TRPS1: variants seen among roughly 807,000 people sequenced by gnomAD.
TRPS1 encodes transcriptional repressor GATA binding 1.
TRPS1 carries 6 observed loss-of-function variants against 101.2 expected under a neutral mutation model. That is an observed-to-expected ratio of 0.06 (90% CI 0.03 to 0.12). The LOEUF is 0.12. TRPS1 is among the 10% of genes least tolerant of loss of function. TRPS1 has a pLI of 1.00. For synonymous variants in TRPS1, 578 were observed against 589.8 expected (o/e 0.98, Z 0.29); for missense variants, 1,363 against 1,567.0 (o/e 0.87, Z 2.20).
intron 5 of TRPS1, among the ~76,000 whole-genome samples, chr8:115,560,708 G>A (rs1269369494): frequency 1.3e-5 from 2 of 152,072 alleles, no homozygotes; most frequent in African/African-American, 2.4e-5. Context: ...ATGGCCTGGA[G>A]TGATACCCAA....
At chr8:115,631,935 T>C (rs1311215646) in intron 1 of TRPS1, among the ~76,000 whole-genome samples, 3 of 152,084 alleles carry the variant, frequency 2.0e-5, no homozygotes, top group Admixed American at 6.6e-5. Context: ...TCGTGAGACA[T>C]AAGAACTACT....
intron 5 of TRPS1, among the ~76,000 whole-genome samples, chr8:115,459,013 A>C (rs1814097855): frequency 6.6e-6 from 1 of 152,190 alleles, no homozygotes; most frequent in Admixed American, 6.5e-5. Context: ...AAAAAAAATA[A>C]ATTTTGTTCA....
At chr8:115,580,255 T>C (rs546805115) in intron 5 of TRPS1, among the ~76,000 whole-genome samples, 1 of 148,594 alleles carries the variant, frequency 6.7e-6, no homozygotes, top group African/African-American at 2.5e-5. Context: ...AATATATATA[T>C]ATATATATAT....
chr8:115,604,810 G>C lies in TRPS1; in HGVS notation c.1159C>G (p.Pro387Ala), dbSNP rs1563638257. 1.9e-6 allele frequency: 3 copies of C among 1,614,048 alleles called. No homozygotes were observed. The highest frequency in any genetic ancestry group is 2.5e-6 in the Non-Finnish European group (3 of 1,179,972). The change falls in exon 4 of 7, where the codon CCT becomes GCT. Residue 387 changes from proline (P) to alanine (A), a missense_variant. Physicochemically the swap from Pro to Ala is conservative, Grantham distance 27 (BLOSUM62 -1). Around this residue, in one of 5 missense-constraint regions of TRPS1, gnomAD observed 1,020 missense variants for 1,073.0 expected, o/e 0.95. Coordinates refer to ENST00000395715, the MANE Select transcript of TRPS1 (RefSeq NM_014112.5). This position sits in a 1 kb window ranked among gnomAD's most constrained non-coding sequence, Gnocchi z 4.1. Reference sequence around the variant, plus strand: ...GACTTGTTAGAGTTTTTCTCTGAAGGTTTTGCAACCTCAGAGGAGGGGAGA... The same window carrying C: ...GACTTGTTAGAGTTTTTCTCTGAAGCTTTTGCAACCTCAGAGGAGGGGAGA... ...ASLPSSEVAKPSEKNSNKSIP... is the reference protein window; with the variant it reads ...ASLPSSEVAKASEKNSNKSIP...
chr8:115,648,841 T>TC, intron 1 of TRPS1, among the ~76,000 whole-genome samples: 1 of 152,092 alleles, frequency 6.6e-6, no homozygotes, highest in East Asian at 1.9e-4. Flanking sequence ...AACCACGCTT[T>TC]CTTTTTTTTT....
At chr8:115,563,598 TA>T (rs1237725238) in intron 5 of TRPS1, among the ~76,000 whole-genome samples, 2 of 152,134 alleles carry the variant, frequency 1.3e-5, no homozygotes, top group Non-Finnish European at 2.9e-5. Context: ...TTCATTAATT[TA>T]TATGGAAAAT....
chr8:115,624,157 C>T (rs1330780915), intron 1 of TRPS1, among the ~76,000 whole-genome samples: 14 of 150,276 alleles, frequency 9.3e-5, no homozygotes, highest in Non-Finnish European at 1.3e-4. Flanking sequence ...CAACAATGAA[C>T]ACAGTCATTA....
At chr8:115,466,073 G>A (rs1033611233) in intron 5 of TRPS1, among the ~76,000 whole-genome samples, 28 of 151,850 alleles carry the variant, frequency 1.8e-4, no homozygotes, top group Middle Eastern at 3.2e-3. Context: ...AACCATAAAC[G>A]TTCTATATAT....
intron 6 of TRPS1, among the ~76,000 whole-genome samples, chr8:115,415,615 G>T (rs1314692224): frequency 6.6e-6 from 1 of 152,060 alleles, no homozygotes; most frequent in African/African-American, 2.4e-5. Context: ...GTTAAATGAG[G>T]TTGTTAAGGG....
intron 5 of TRPS1, among the ~76,000 whole-genome samples, chr8:115,515,526 C>T (rs1815688277): frequency 2.0e-5 from 3 of 151,230 alleles, no homozygotes; most frequent in Admixed American, 6.6e-5. Context: ...ACAGTAAATC[C>T]ACTAATAAAC....
intron 5 of TRPS1, among the ~76,000 whole-genome samples, chr8:115,552,724 C>T (rs72680015): frequency 0.018 from 2,669 of 152,206 alleles, 35 homozygotes; most frequent in Non-Finnish European, 0.023. Context: ...CAATAACACT[C>T]TTCTTATAAT....
chr8:115,598,081 C>T (rs1429631593), intron 4 of TRPS1, among the ~76,000 whole-genome samples: 1 of 152,328 alleles, frequency 6.6e-6, no homozygotes, highest in South Asian at 2.1e-4. Flanking sequence ...ATGTCTAACA[C>T]TTCCCACATA....
intron 5 of TRPS1, among the ~76,000 whole-genome samples, chr8:115,457,603 T>C (rs1323020690): frequency 6.6e-6 from 1 of 152,196 alleles, no homozygotes; most frequent in Non-Finnish European, 1.5e-5. Flanking sequence ...ATTAAAATGG[T>C]ACATTTTATG....
intron 3 of TRPS1, among the ~76,000 whole-genome samples, chr8:115,609,190 T>C (rs953209331): frequency 2.0e-5 from 3 of 152,256 alleles, no homozygotes; most frequent in Middle Eastern, 3.4e-3. Context: ...CCATATTAGA[T>C]AGCACACTCA....
intron 6 of TRPS1, among the ~76,000 whole-genome samples, chr8:115,416,520 A>T (rs1812923358): frequency 6.7e-6 from 1 of 148,660 alleles, no homozygotes; most frequent in East Asian, 1.9e-4. Context: ...ATAATTTTAT[A>T]AATTATAAAA....
At chr8:115,425,546 T>C (rs1286650867) in intron 5 of TRPS1, among the ~76,000 whole-genome samples, 1 of 152,174 alleles carries the variant, frequency 6.6e-6, no homozygotes, top group Non-Finnish European at 1.5e-5. Context: ...ACCTAAGACT[T>C]ATCCCACTGA....
At chr8:115,442,594 T>C (rs571717023) in intron 5 of TRPS1, among the ~76,000 whole-genome samples, 2 of 151,466 alleles carry the variant, frequency 1.3e-5, no homozygotes, top group African/African-American at 4.9e-5. Context: ...TGTGTGTGCA[T>C]GTGTGTGTTT....
rs1816958276 is a variant in TRPS1 at position 115,562,064 on chromosome 8, A to G, written c.2700+24937T>C. On this transcript the variant is annotated intron_variant, in intron 5 of 6. Coordinates refer to ENST00000395715, the MANE Select transcript of TRPS1 (RefSeq NM_014112.5). ...AGTTATAATACATCAAGACGATAGC[A>G]GTAAGAACAAAACAAATATAACAAT... Among the ~76,000 whole-genome samples the G allele has an allele frequency of 2.0e-5, 3 of 152,158 alleles. No homozygotes were observed. In the South Asian group the frequency reaches 6.2e-4, roughly 31 times the overall value.
At chr8:115,552,116 G>A (rs1388284807) in intron 5 of TRPS1, among the ~76,000 whole-genome samples, 1 of 152,182 alleles carries the variant, frequency 6.6e-6, no homozygotes, top group Non-Finnish European at 1.5e-5. Context: ...AGAGAGGTCT[G>A]AGGGGTTGCT....
Sources: allele counts gnomAD v4.1 joint callset (sites outside exome capture counted in the v4.1 genomes callset), GRCh38; gene constraint gnomAD v4.1.1; regional missense constraint gnomAD v4.1.1; non-coding constraint Gnocchi (gnomAD v3.1); transcripts MANE v1.5; gene names NCBI Gene and HGNC (gene_info 2026-07-23, HGNC 2026-07-21).